RGS6: variants seen among roughly 807,000 people sequenced by gnomAD.
RGS6 encodes regulator of G protein signaling 6, also known as regulator of G-protein signaling 6.
In RGS6, 30 loss-of-function variants were observed where a neutral mutation model predicts 78.5. The observed-to-expected ratio is 0.38, with a 90% CI of 0.29 to 0.52. The LOEUF is 0.52. Among genes scored for constraint, RGS6 ranks in the 20% least tolerant of loss-of-function variants. The probability of loss-of-function intolerance (pLI) is 0.85; values close to 1 mark genes in which losing one functional copy is unlikely to be tolerated. For missense variants in RGS6, 495 were observed against 609.7 expected (o/e 0.81, Z 1.98); for synonymous variants, 206 against 206.0 (o/e 1.00, Z 0.00).
At chr14:72,231,171 G>A (rs187274254) in intron 2 of RGS6, among the ~76,000 whole-genome samples, 2 of 152,160 alleles carry the variant, frequency 1.3e-5, no homozygotes, top group Non-Finnish European at 2.9e-5. Context: ...GGACTGAGAA[G>A]TTAGTTCCCC....
At chr14:71,988,444 A>C (rs988704180) in intron 2 of RGS6, among the ~76,000 whole-genome samples, 2 of 152,200 alleles carry the variant, frequency 1.3e-5, no homozygotes, top group Non-Finnish European at 1.5e-5. Flanking sequence ...AAAAACTTTA[A>C]AAGAGAAGCC....
At chr14:72,432,133 C>T (rs1162349246) in intron 3 of RGS6, among the ~76,000 whole-genome samples, 2 of 152,218 alleles carry the variant, frequency 1.3e-5, no homozygotes, top group African/African-American at 4.8e-5. Context: ...GATTCAGGCT[C>T]TGCTGATTAG....
At chr14:72,227,066 G>A (rs897427429) in intron 2 of RGS6, among the ~76,000 whole-genome samples, 10 of 152,218 alleles carry the variant, frequency 6.6e-5, no homozygotes, top group Admixed American at 3.3e-4. Flanking sequence ...CTAGATATAC[G>A]ACATTTCTTT....
In RGS6 at chr14:72,562,436, A is replaced by G; in HGVS notation, c.1442A>G (p.Lys481Arg). 6.2e-7 allele frequency: 1 copy of G among 1,612,972 alleles called. No homozygotes were observed. Among genetic ancestry groups the G allele is most frequent in the Non-Finnish European group, 8.5e-7 (1 of 1,180,038 alleles). Residue 481 changes from lysine (K) to arginine (R), a missense_variant, in exon 18 of 18, where the codon AAG (lysine) becomes AGG (arginine). Transcript: ENST00000553525. ...CTGCAGGGAAAGTCGCTGGCGGGCA[A>G]GCGCCTCACGGGCCTGATGCAGTCC... is the stretch of plus-strand genomic sequence containing the variant. Reference protein sequence around the residue: ...TRSVGKSLAGKRLTGLMQSS With the variant: ...TRSVGKSLAGRRLTGLMQSS
At chr14:72,077,022 T>A (rs1485913202) in intron 2 of RGS6, among the ~76,000 whole-genome samples, 2 of 150,290 alleles carry the variant, frequency 1.3e-5, no homozygotes, top group East Asian at 3.9e-4. Context: ...ATAGTCACAT[T>A]ATCCTACAGG....
At chr14:72,172,650 T>A (rs2097040501) in intron 2 of RGS6, among the ~76,000 whole-genome samples, 1 of 152,176 alleles carries the variant, frequency 6.6e-6, no homozygotes, top group Admixed American at 6.5e-5. Context: ...ATGTGAGAAG[T>A]GAGCAATTTG....
intron 2 of RGS6, among the ~76,000 whole-genome samples, chr14:72,033,486 T>TA (rs2091227757): frequency 6.6e-6 from 1 of 152,092 alleles, no homozygotes; most frequent in Non-Finnish European, 1.5e-5. Flanking sequence ...CCTCTTGCCT[T>TA]AGCCTCTCAA....
At chr14:72,522,865 C>CT (rs1435400888) in intron 15 of RGS6, among the ~76,000 whole-genome samples, 1 of 152,136 alleles carries the variant, frequency 6.6e-6, no homozygotes, top group Admixed American at 6.5e-5. Context: ...ATCCAGAAAG[C>CT]TACAGGATAG....
intron 2 of RGS6, among the ~76,000 whole-genome samples, chr14:72,116,838 C>G (rs2095898841): frequency 6.6e-6 from 1 of 151,812 alleles, no homozygotes; most frequent in Non-Finnish European, 1.5e-5. Context: ...ATGGTGGGCA[C>G]CTGTCATCCC....
chr14:71,894,029 T>C, the RGS6 span, among the ~76,000 whole-genome samples: 1 of 152,174 alleles, frequency 6.6e-6, no homozygotes, highest in Non-Finnish European at 1.5e-5. Context: ...AAATTTTTCA[T>C]GTGAGCCAGG....
chr14:72,452,037 A>G (rs940422188), intron 3 of RGS6, among the ~76,000 whole-genome samples: 3 of 152,220 alleles, frequency 2.0e-5, no homozygotes, highest in Non-Finnish European at 4.4e-5. Flanking sequence ...GGCATGAGCC[A>G]CTGCGCCTGG....
At chr14:72,125,237 C>T (rs1369662051) in intron 2 of RGS6, among the ~76,000 whole-genome samples, 1 of 152,154 alleles carries the variant, frequency 6.6e-6, no homozygotes, top group Non-Finnish European at 1.5e-5. Flanking sequence ...ACCACCTATC[C>T]AGGTGCCCTG....
intron 2 of RGS6, among the ~76,000 whole-genome samples, chr14:72,149,423 T>C (rs2096652519): frequency 6.6e-6 from 1 of 152,034 alleles, no homozygotes. Flanking sequence ...AGAGAAGAAA[T>C]CAGTTATCAT....
chr14:72,202,266 A>G (rs2041735360), intron 2 of RGS6, among the ~76,000 whole-genome samples: 1 of 152,104 alleles, frequency 6.6e-6, no homozygotes, highest in Non-Finnish European at 1.5e-5. Context: ...CCATGCATCA[A>G]CCCTACTGCA....
At chr14:72,274,705 A>T (rs1421440130) in intron 2 of RGS6, among the ~76,000 whole-genome samples, 1 of 152,212 alleles carries the variant, frequency 6.6e-6, no homozygotes, top group South Asian at 2.1e-4. Context: ...AGTTGTAATG[A>T]TAGAGGCAGG....
intron 17 of RGS6, chr14:72,547,182 G>T (rs537318501): frequency 9.8e-6 from 15 of 1,535,024 alleles, no homozygotes; most frequent in Non-Finnish European, 1.3e-5. Flanking sequence ...AGTCCTGTCC[G>T]GGGAGCAGCA....
chr14:72,001,864 T>G (rs148453011), intron 2 of RGS6, among the ~76,000 whole-genome samples: 2 of 151,518 alleles, frequency 1.3e-5, no homozygotes, highest in Non-Finnish European at 2.9e-5. Context: ...TGCAGAACTT[T>G]AGTCTTTGAA....
chr14:72,177,517 C>T (rs2097122073), intron 2 of RGS6, among the ~76,000 whole-genome samples: 1 of 152,014 alleles, frequency 6.6e-6, no homozygotes, highest in Non-Finnish European at 1.5e-5. Context: ...ACATGTAGGT[C>T]CAGGGAAAGC....
intron 3 of RGS6, among the ~76,000 whole-genome samples, chr14:72,431,525 A>ATTTATTTCAT (rs375489542): frequency 6.8e-6 from 1 of 147,526 alleles, no homozygotes; most frequent in African/African-American, 2.5e-5. Context: ...ATTTTGTTTT[A>ATTTATTTCAT]TTTATTTTAT....
Sources: gnomAD v4.1 joint callset for allele counts (sites outside exome capture counted in the v4.1 genomes callset) on GRCh38, gnomAD v4.1.1 for gene constraint, MANE v1.5 for transcripts, NCBI Gene and HGNC (gene_info 2026-07-23, HGNC 2026-07-21) for gene names.